Variants in ANO3 observed in about 807,000 individuals in gnomAD.
ANO3 encodes the protein anoctamin 3.
Under a neutral mutation model 144.8 loss-of-function variants are expected in ANO3, and 99 were observed. The ratio of observed to expected loss-of-function variants is 0.68; its 90% CI spans 0.58 to 0.81. The LOEUF (loss-of-function observed/expected upper bound fraction) is 0.81, where lower values mean the gene tolerates loss of function less well. Among genes scored for constraint, ANO3 ranks in the 30% least tolerant of loss-of-function variants. The pLI, the probability that ANO3 is intolerant of heterozygous loss-of-function variation, is 0.00. For missense variants in ANO3, 905 were observed against 1,202.2 expected (o/e 0.75, Z 3.66); for synonymous variants, 414 against 392.6 (o/e 1.05, Z -0.64).
At chr11:26,267,151 G>T (rs937813720) in intron 1 of ANO3, among the ~76,000 whole-genome samples, 4 of 151,064 alleles carry the variant, frequency 2.6e-5, no homozygotes, top group Non-Finnish European at 5.9e-5. Flanking sequence ...AGTCAAACAT[G>T]GGCATGTATG....
intron 1 of ANO3, among the ~76,000 whole-genome samples, chr11:26,361,079 G>A (rs1428005057): frequency 6.6e-6 from 1 of 152,132 alleles, no homozygotes; most frequent in African/African-American, 2.4e-5. Context: ...CAGGAGTCAG[G>A]AAAAGCCAGT....
intron 3 of ANO3, among the ~76,000 whole-genome samples, chr11:26,449,126 T>C (rs1011557444): frequency 1.3e-5 from 2 of 152,148 alleles, no homozygotes; most frequent in African/African-American, 4.8e-5. Flanking sequence ...GCTTCCCTTT[T>C]CTCACGAGCT....
intron 4 of ANO3, among the ~76,000 whole-genome samples, chr11:26,507,217 C>T (rs1247380104): frequency 6.6e-6 from 1 of 152,102 alleles, no homozygotes; most frequent in Admixed American, 6.5e-5. Context: ...TATTAAAATT[C>T]CTTACAGCAA....
At chr11:26,649,940 T>C (rs374906241) in intron 24 of ANO3, among the ~76,000 whole-genome samples, 48 of 152,288 alleles carry the variant, frequency 3.2e-4, no homozygotes, top group African/African-American at 1.1e-3. Context: ...CCCTCTTCCA[T>C]AGCATTATTT....
intron 1 of ANO3, among the ~76,000 whole-genome samples, chr11:26,261,857 T>C (rs184682201): frequency 2.6e-5 from 4 of 152,344 alleles, no homozygotes; most frequent in Non-Finnish European, 5.9e-5. Context: ...ACGTTTGAAT[T>C]AGGATTCAAA....
intron 12 of ANO3, among the ~76,000 whole-genome samples, chr11:26,552,679 C>G (rs1032244859): frequency 1.3e-5 from 2 of 152,038 alleles, no homozygotes; most frequent in African/African-American, 4.8e-5. Flanking sequence ...TATTAGAGAA[C>G]ATATTTACAT....
rs574783147 is a variant in ANO3 at position 26,215,986 on chromosome 11, T to C, written c.154+26656T>C. Among the ~76,000 whole-genome samples, 21 of 152,174 alleles carry C rather than the reference T, an allele frequency of 1.4e-4. No individual in the cohort carries two copies. The South Asian group carries it at 3.5e-3, about 25-fold the overall frequency. ...CAGGGTACGATTATTTATACTGTTT[T>C]TTATATTCTTTTTGCCTTTAGTATT... On this transcript the variant is annotated intron_variant, in intron 1 of 27. Transcript: ENST00000672621.
At chr11:26,543,825 A>C (rs933204604) in intron 11 of ANO3, among the ~76,000 whole-genome samples, 2 of 152,112 alleles carry the variant, frequency 1.3e-5, no homozygotes, top group African/African-American at 2.4e-5. Context: ...TCCATGGTGT[A>C]TATGTGCCAC....
chr11:26,404,691 A>C (rs1004952063), intron 1 of ANO3, among the ~76,000 whole-genome samples: 1 of 151,598 alleles, frequency 6.6e-6, no homozygotes, highest in Non-Finnish European at 1.5e-5. Flanking sequence ...AGTCGAAGGG[A>C]GGGTCACTTA....
chr11:26,359,704 A>G (rs1349105863), intron 1 of ANO3, among the ~76,000 whole-genome samples: 3 of 152,166 alleles, frequency 2.0e-5, no homozygotes, highest in Non-Finnish European at 2.9e-5. Context: ...CCTGGAAACT[A>G]AAGGCAATAA....
chr11:26,238,307 G>T (rs1439716372), intron 1 of ANO3, among the ~76,000 whole-genome samples: 1 of 152,076 alleles, frequency 6.6e-6, no homozygotes, highest in Admixed American at 6.6e-5. Flanking sequence ...TCTCTTAAAT[G>T]TAGAGCCAAA....
In ANO3 at chr11:26,344,992, AAAC is replaced by A. The variant is rs528636873; in HGVS notation, c.46+12674_46+12676del. ...AAAGAAACACTATAATGATAAAACT[AAAC>A]AATGAATACATAGACAAGGATATTC... On this transcript the variant is annotated intron_variant, in intron 1 of 26. Transcript: ENST00000256737. Among the ~76,000 whole-genome samples the A allele has an allele frequency of 3.9e-5, 6 of 152,378 alleles. No individual in the cohort carries two copies. In the East Asian group the frequency reaches 1.2e-3, roughly 29 times the overall value.
rs550974560 is a variant in ANO3, at chr11:26,565,499, C to G, written c.1447+5720C>G. 1.9e-6 allele frequency: 3 copies of G among 1,613,290 alleles called. No individual in the cohort carries two copies. The South Asian group carries it at 3.3e-5, about 18-fold the overall frequency. On this transcript the variant is annotated intron_variant, in intron 14 of 26. Coordinates refer to ENST00000256737, the MANE Select transcript of ANO3 (RefSeq NM_031418.4). ...CATCTGCTATAGGTGCATTCCAAGG[C>G]ACTTTAGAAACAAAGCTATGGATCA...
At chr11:26,640,944 C>A (rs140779724) in intron 21 of ANO3, among the ~76,000 whole-genome samples, 1 of 152,328 alleles carries the variant, frequency 6.6e-6, no homozygotes, top group Non-Finnish European at 1.5e-5. Context: ...TGGAGGCAAC[C>A]TCCACTGCCT....
At chr11:26,247,556 T>C (rs1246229130) in intron 1 of ANO3, among the ~76,000 whole-genome samples, 1 of 152,184 alleles carries the variant, frequency 6.6e-6, no homozygotes, top group Admixed American at 6.5e-5. Context: ...ACAGGCCACT[T>C]GGAGTGGAAG....
intron 1 of ANO3, among the ~76,000 whole-genome samples, chr11:26,218,805 G>A (rs1852085024): frequency 6.6e-6 from 1 of 152,126 alleles, no homozygotes. Flanking sequence ...TGGCACATGT[G>A]TGTTTTTGTG....
At chr11:26,254,949 T>C (rs1344999406) in intron 1 of ANO3, among the ~76,000 whole-genome samples, 1 of 152,134 alleles carries the variant, frequency 6.6e-6, no homozygotes, top group Non-Finnish European at 1.5e-5. Flanking sequence ...AAAAAACAAC[T>C]TCTTCAAGAT....
chr11:26,634,228 G>A lies in ANO3; in HGVS notation c.1898G>A (p.Trp633Ter). Residue 633 changes from tryptophan to a stop codon, truncating the protein, a stop_gained, in exon 19 of 27, where the codon TGG becomes TAG. Coordinates refer to ENST00000256737, the MANE Select transcript of ANO3 (RefSeq NM_031418.4). LOFTEE classifies it high-confidence loss of function. ...GAATATCCTCGAACAGAATCAGAGT[G>A]GGAAAACAGCTTCGCCCTGAAGATG... The part of the protein sequence containing the change: ...NLEYPRTESE[W>*]ENSFALKMFL... The A allele has an allele frequency of 6.2e-7, 1 of 1,613,694 alleles. No homozygotes were observed. The highest frequency in any genetic ancestry group is 8.5e-7 in the Non-Finnish European group (1 of 1,179,676).
chr11:26,401,594 G>A (rs1857148320), intron 1 of ANO3, among the ~76,000 whole-genome samples: 1 of 151,978 alleles, frequency 6.6e-6, no homozygotes, highest in Non-Finnish European at 1.5e-5. Flanking sequence ...CTATTTACAG[G>A]ACAGACCCTG....
Sources: gnomAD v4.1 joint callset for allele counts (sites outside exome capture counted in the v4.1 genomes callset) on GRCh38, gnomAD v4.1.1 for gene constraint, MANE v1.5 for transcripts, NCBI Gene and HGNC (gene_info 2026-07-23, HGNC 2026-07-21) for gene names.